MECOM: variants seen among roughly 807,000 people sequenced by gnomAD.
The protein encoded by MECOM is histone-lysine N-methyltransferase MECOM.
Under a neutral mutation model 116.3 loss-of-function variants are expected in MECOM, and 13 were observed. The ratio of observed to expected loss-of-function variants is 0.11; its 90% CI spans 0.07 to 0.18. The LOEUF (loss-of-function observed/expected upper bound fraction) is 0.18, where lower values mean the gene tolerates loss of function less well. Ranked by LOEUF, MECOM falls within the 10% of genes least tolerant of loss-of-function variation. MECOM has a pLI of 1.00. For missense variants in MECOM, 1,299 were observed against 1,509.0 expected, an observed-to-expected ratio of 0.86 and a Z score of 2.31; for synonymous variants, 528 against 535.2, an observed-to-expected ratio of 0.99 and a Z score of 0.19.
rs190380610 is a variant in MECOM, at chr3:169,170,797, T to C, written c.376-26965A>G. Among the ~76,000 whole-genome samples the C allele has an allele frequency of 6.9e-3, 1,048 of 152,274 alleles. 12 individuals carry two copies. Among genetic ancestry groups the C allele is most frequent in the African/African-American group, 0.024 (1,003 of 41,556 alleles). ...TTGAACTCAACAGCCGAAAAGGAAT[T>C]CTATTAACCCATTTAAAAGTGAACT... On this transcript the variant is annotated intron_variant, in intron 2 of 16. Transcript: ENST00000651503.
chr3:169,237,241 T>A (rs945194634), intron 2 of MECOM, among the ~76,000 whole-genome samples: 1 of 152,190 alleles, frequency 6.6e-6, no homozygotes, highest in Non-Finnish European at 1.5e-5. Context: ...AATATTTCTT[T>A]GGTCACATTA....
chr3:169,361,313 G>A (rs1035475351), intron 2 of MECOM, among the ~76,000 whole-genome samples: 1 of 151,794 alleles, frequency 6.6e-6, no homozygotes, highest in East Asian at 1.9e-4. Flanking sequence ...AATATGTTAG[G>A]TCTAGTGAAG....
intron 1 of MECOM, among the ~76,000 whole-genome samples, chr3:169,584,529 CA>C (rs1353526809): frequency 6.8e-6 from 1 of 146,380 alleles, no homozygotes; most frequent in Non-Finnish European, 1.5e-5. Flanking sequence ...GGCGCCGCTG[CA>C]CTCCAGCCTG....
intron 1 of MECOM, among the ~76,000 whole-genome samples, chr3:169,433,979 T>A (rs1039954048): frequency 3.9e-5 from 6 of 152,218 alleles, no homozygotes; most frequent in African/African-American, 1.4e-4. Flanking sequence ...TTATTCTTAA[T>A]AATGGGGAGG....
At chr3:169,483,026 G>A (rs1751566963) in intron 1 of MECOM, among the ~76,000 whole-genome samples, 1 of 151,704 alleles carries the variant, frequency 6.6e-6, no homozygotes, top group Non-Finnish European at 1.5e-5. Flanking sequence ...TTTCCACTTG[G>A]GTCAATAAAT....
At chr3:169,261,809 C>T (rs1170766299) in intron 2 of MECOM, among the ~76,000 whole-genome samples, 1 of 152,190 alleles carries the variant, frequency 6.6e-6, no homozygotes, top group Non-Finnish European at 1.5e-5. Context: ...TGATACAGTG[C>T]CCGTGGTCCT....
rs1285073672 is a variant in MECOM, at chr3:169,663,552, GT to G, written c.-181del. The G allele has an allele frequency of 1.9e-5, 11 of 564,988 alleles. No individual in the cohort carries two copies. The highest frequency in any genetic ancestry group is 1.3e-4 in the African/African-American group (5 of 38,420). The allele number at this position is 564,988 out of a possible 1,614,324, so 35.0% of individuals were successfully genotyped here. Reference sequence around the variant, plus strand: ...TCTCCCTCCCTCCTGTTTCTCTCCTGTTTCTCTCTCTCTTCCACACACTCAC... The same window carrying G: ...TCTCCCTCCCTCCTGTTTCTCTCCTGTTCTCTCTCTCTTCCACACACTCAC... On this transcript the variant is annotated 5_prime_UTR_variant, in exon 1 of 17. Transcript: ENST00000651503.
chr3:169,655,810 GA>G (rs1775475483), intron 1 of MECOM, among the ~76,000 whole-genome samples: 1 of 152,172 alleles, frequency 6.6e-6, no homozygotes, highest in South Asian at 2.1e-4. Flanking sequence ...TTCTTCTTCA[GA>G]AAATTTAACT....
At chr3:169,368,560 A>G (rs1729565020) in intron 2 of MECOM, among the ~76,000 whole-genome samples, 1 of 152,048 alleles carries the variant, frequency 6.6e-6, no homozygotes, top group Non-Finnish European at 1.5e-5. Flanking sequence ...TGAAACAACT[A>G]GGGAGCAAAG....
At chr3:169,519,700 C>G (rs1388421393) in intron 1 of MECOM, among the ~76,000 whole-genome samples, 1 of 152,220 alleles carries the variant, frequency 6.6e-6, no homozygotes, top group African/African-American at 2.4e-5. Flanking sequence ...TACCACAAGG[C>G]AATTTGAATT....
chr3:169,111,123 A>C (rs2149034240), intron 9 of MECOM, among the ~76,000 whole-genome samples: 1 of 152,284 alleles, frequency 6.6e-6, no homozygotes, highest in African/African-American at 2.4e-5. Flanking sequence ...TTTGAATTTC[A>C]AAGTGGATAG....
intron 2 of MECOM, among the ~76,000 whole-genome samples, chr3:169,191,741 A>AAG (rs1747665519): frequency 4.9e-4 from 3 of 6,072 alleles, no homozygotes; most frequent in Non-Finnish European, 2.1e-3. Flanking sequence ...AGAAAGAAAG[A>AAG]GAAAGAAAGA....
chr3:169,506,267 A>G (rs1302675599), intron 1 of MECOM, among the ~76,000 whole-genome samples: 1 of 152,152 alleles, frequency 6.6e-6, no homozygotes, highest in East Asian at 1.9e-4. Context: ...AAAACTGTCT[A>G]TTTAGTGCAG....
At chr3:169,367,846 G>T (rs1577875421) in intron 2 of MECOM, among the ~76,000 whole-genome samples, 1 of 151,942 alleles carries the variant, frequency 6.6e-6, no homozygotes, top group African/African-American at 2.4e-5. Flanking sequence ...TGGTTCCTAG[G>T]CATGTATATT....
At chr3:169,087,408 G>A (rs569920727) in intron 16 of MECOM, among the ~76,000 whole-genome samples, 1 of 152,000 alleles carries the variant, frequency 6.6e-6, no homozygotes. Flanking sequence ...ACCAGCCTGG[G>A]CAACATAGTG....
At chr3:169,461,070 T>G (rs1227434107) in intron 1 of MECOM, among the ~76,000 whole-genome samples, 3 of 152,168 alleles carry the variant, frequency 2.0e-5, no homozygotes, top group Non-Finnish European at 4.4e-5. Flanking sequence ...TTTCTTTTTT[T>G]TTCTAAAACA....
chr3:169,290,441 G>A (rs748485863), intron 2 of MECOM, among the ~76,000 whole-genome samples: 10 of 151,924 alleles, frequency 6.6e-5, no homozygotes, highest in East Asian at 1.9e-4. Flanking sequence ...ACCTTTAAAC[G>A]TATATAGAAA....
chr3:169,559,364 G>A (rs1472594438), intron 1 of MECOM, among the ~76,000 whole-genome samples: 1 of 152,164 alleles, frequency 6.6e-6, no homozygotes, highest in Non-Finnish European at 1.5e-5. Flanking sequence ...TATTCATCAT[G>A]TATGTGTGTG....
At chr3:169,436,245 CTTTTTTTTTTTT>C (rs11349670) in intron 1 of MECOM, among the ~76,000 whole-genome samples, 1,934 of 93,722 alleles carry the variant, frequency 0.021, 37 homozygotes, top group Middle Eastern at 0.081. Context: ...GGCTAAATCG[CTTTTTTTTTTTT>C]TTTTTTTTTT....
Sources: gnomAD v4.1 joint callset for allele counts (sites outside exome capture counted in the v4.1 genomes callset) on GRCh38, gnomAD v4.1.1 for gene constraint, MANE v1.5 for transcripts, NCBI Gene and HGNC (gene_info 2026-07-23, HGNC 2026-07-21) for gene names.